The following MIR2052HG variants were observed in gnomAD, a reference collection of about 807,000 sequenced individuals.
MIR2052HG encodes MIR2052 host gene.
intron 1 of MIR2052HG, chr8:74,603,545 A>T: frequency 6.6e-7 from 1 of 1,517,718 alleles, no homozygotes; most frequent in East Asian, 2.3e-5. Context: ...GATGTATCCA[A>T]ACCTGCACTG....
chr8:74,612,178 C>G (rs1336358084), intron 1 of MIR2052HG, among the ~76,000 whole-genome samples: 1 of 152,212 alleles, frequency 6.6e-6, no homozygotes, highest in Non-Finnish European at 1.5e-5. Flanking sequence ...CTGGACTGTT[C>G]CAGCTACCTC....
chr8:74,670,067 G>A (rs1414907191), intron 2 of MIR2052HG, among the ~76,000 whole-genome samples: 2 of 152,172 alleles, frequency 1.3e-5, no homozygotes, highest in African/African-American at 4.8e-5. Context: ...CAAGAAGGCT[G>A]CTGTCTGCAA....
intron 2 of MIR2052HG, among the ~76,000 whole-genome samples, chr8:74,652,750 T>A (rs1401731344): frequency 1.3e-5 from 2 of 152,192 alleles, no homozygotes. Context: ...CTTGTGCATA[T>A]CAGATTCCTA....
intron 2 of MIR2052HG, among the ~76,000 whole-genome samples, chr8:74,671,330 T>C (rs1389945556): frequency 6.6e-6 from 1 of 152,158 alleles, no homozygotes; most frequent in East Asian, 1.9e-4. Flanking sequence ...AAAGGCATCC[T>C]GTCATTTTTG....
At chr8:74,607,028 A>C (rs925790816) in intron 1 of MIR2052HG, among the ~76,000 whole-genome samples, 1 of 152,102 alleles carries the variant, frequency 6.6e-6, no homozygotes, top group African/African-American at 2.4e-5. Flanking sequence ...AAAGGCAAAA[A>C]AATTGAAAGA....
At chr8:74,625,726 A>G (rs1383957473) in intron 2 of MIR2052HG, among the ~76,000 whole-genome samples, 1 of 152,226 alleles carries the variant, frequency 6.6e-6, no homozygotes, top group Non-Finnish European at 1.5e-5. Flanking sequence ...TTGACAATTG[A>G]AATTATATTT....
intron 5 of MIR2052HG, chr8:74,757,358 C>T (rs945708404): frequency 2.6e-5 from 4 of 152,154 alleles, no homozygotes; most frequent in African/African-American, 9.7e-5. Context: ...CTGCTGCTTC[C>T]CTTGGGAACT....
chr8:74,731,192 AT>A (rs1809689336), intron 4 of MIR2052HG, among the ~76,000 whole-genome samples: 1 of 152,208 alleles, frequency 6.6e-6, no homozygotes, highest in African/African-American at 2.4e-5. Flanking sequence ...GAACCAAACA[AT>A]ATGACTTCCA....
intron 4 of MIR2052HG, among the ~76,000 whole-genome samples, chr8:74,715,973 C>A (rs1030698575): frequency 2.0e-5 from 3 of 152,166 alleles, no homozygotes; most frequent in Non-Finnish European, 4.4e-5. Flanking sequence ...GCCTACGTCC[C>A]TCCAGAAATA....
At chr8:74,730,246 C>T (rs1809677914) in intron 4 of MIR2052HG, among the ~76,000 whole-genome samples, 1 of 152,162 alleles carries the variant, frequency 6.6e-6, no homozygotes, top group African/African-American at 2.4e-5. Flanking sequence ...TTACCTTTTA[C>T]ATTTCCTTAA....
At chr8:74,679,692 TTTTTGTTTTGTTTTG>T (rs527703635) in intron 2 of MIR2052HG, among the ~76,000 whole-genome samples, 1 of 151,662 alleles carries the variant, frequency 6.6e-6, no homozygotes, top group African/African-American at 2.4e-5. Context: ...CCGGCTAAAT[TTTTTGTTTTGTTTTG>T]TTTTGTTTTG....
rs1454262545 is a variant in MIR2052HG at position 74,672,917 on chromosome 8, G to A, written n.217-29462G>A. The stretch of plus-strand genomic sequence containing the variant: ...AAATTGAATATTTCAGATTGCAGTG[G>A]AGTAAGTTCCATGCTCTGTTGACCT... On this transcript the variant is annotated intron_variant and non_coding_transcript_variant, in intron 2 of 6. Coordinates refer to ENST00000523442, the Ensembl canonical transcript of MIR2052HG. Among the ~76,000 whole-genome samples, 2 of 152,114 alleles carry A rather than the reference G, an allele frequency of 1.3e-5. 1 individual carries two copies. The highest frequency in any genetic ancestry group is 1.3e-4 in the Admixed American group (2 of 15,236).
intron 2 of MIR2052HG, among the ~76,000 whole-genome samples, chr8:74,687,587 G>A (rs1348964116): frequency 2.0e-5 from 3 of 152,108 alleles, no homozygotes; most frequent in Non-Finnish European, 4.4e-5. Flanking sequence ...GCGCAGAGGG[G>A]TGAATATACT....
chr8:74,723,737 C>G (rs1417014086), intron 4 of MIR2052HG, among the ~76,000 whole-genome samples: 1 of 152,164 alleles, frequency 6.6e-6, no homozygotes, highest in African/African-American at 2.4e-5. Context: ...TTTCAGGATA[C>G]TGTTGCTAGG....
intron 4 of MIR2052HG, among the ~76,000 whole-genome samples, chr8:74,723,767 G>A (rs1809603643): frequency 1.3e-5 from 2 of 152,152 alleles, no homozygotes; most frequent in Non-Finnish European, 2.9e-5. Flanking sequence ...TTGTTGTGAA[G>A]GTAAAGTACA....
intron 2 of MIR2052HG, among the ~76,000 whole-genome samples, chr8:74,624,950 T>C (rs1284770339): frequency 6.6e-6 from 1 of 152,174 alleles, no homozygotes; most frequent in African/African-American, 2.4e-5. Flanking sequence ...AGAGCACAGA[T>C]GAGTACAGTA....
intron 2 of MIR2052HG, among the ~76,000 whole-genome samples, chr8:74,646,206 C>T (rs1808688718): frequency 6.7e-6 from 1 of 149,326 alleles, no homozygotes; most frequent in African/African-American, 2.5e-5. Context: ...GAAGAGGGCA[C>T]CTCACCCAGG....
intron 1 of MIR2052HG, chr8:74,603,452 C>T (rs989464947): frequency 6.2e-7 from 1 of 1,607,268 alleles, no homozygotes; most frequent in East Asian, 2.2e-5. Context: ...TGACGGATCT[C>T]ATTTATTTTG....
chr8:74,699,082 G>C (rs962549050), intron 2 of MIR2052HG, among the ~76,000 whole-genome samples: 1 of 152,032 alleles, frequency 6.6e-6, no homozygotes, highest in African/African-American at 2.4e-5. Context: ...CTGCAAGAAT[G>C]GCCATAATCA....
Sources: gnomAD v4.1 joint callset for allele counts (sites outside exome capture counted in the v4.1 genomes callset) on GRCh38, gnomAD v4.1.1 for gene constraint, MANE v1.5 for transcripts, NCBI Gene and HGNC (gene_info 2026-07-23, HGNC 2026-07-21) for gene names.